The following SCARA5 variants were observed in gnomAD, a reference collection of about 807,000 sequenced individuals.
SCARA5 encodes scavenger receptor class A, member 5 (putative).
A neutral mutation model predicts 46.3 loss-of-function variants in SCARA5; 45 were observed. That is an observed-to-expected ratio of 0.97 (90% CI 0.76 to 1.24). The LOEUF is 1.24. SCARA5 is among the 50% of genes most tolerant of loss of function. The probability of loss-of-function intolerance (pLI) is 0.00; values close to 1 mark genes in which losing one functional copy is unlikely to be tolerated. For synonymous variants in SCARA5, 333 were observed against 306.5 expected (o/e 1.09, Z -0.90); for missense variants, 680 against 689.0 (o/e 0.99, Z 0.15).
intron 3 of SCARA5, among the ~76,000 whole-genome samples, chr8:27,948,863 G>A (rs965600460): frequency 3.9e-5 from 6 of 152,220 alleles, no homozygotes; most frequent in Non-Finnish European, 8.8e-5. Context: ...GAGTTCATGC[G>A]TTTTGCTTTG....
In SCARA5 at chr8:27,871,395, T is replaced by C; in HGVS notation, c.*539A>G. The C allele has an allele frequency of 1.0e-6, 1 of 985,296 alleles. No homozygotes were observed. The highest frequency in any genetic ancestry group is 1.2e-6 in the Non-Finnish European group (1 of 829,142). 61.0% of individuals were successfully genotyped at this position (985,296 alleles called of 1,614,324 possible). ...GCCCCTACAGCTGGCTTCTCCTCTA[T>C]GTCACTTCCTCAAACTAGCAAATGG... On this transcript the variant is annotated 3_prime_UTR_variant, in exon 9 of 9. Transcript: ENST00000354914.
At chr8:27,984,898 T>C (rs1808681921) in intron 2 of SCARA5, among the ~76,000 whole-genome samples, 3 of 152,140 alleles carry the variant, frequency 2.0e-5, no homozygotes, top group Admixed American at 2.0e-4. Flanking sequence ...CATTCATTCA[T>C]CCATCCATTT....
At chr8:27,929,180 T>C (rs1807728060) in intron 3 of SCARA5, among the ~76,000 whole-genome samples, 1 of 152,242 alleles carries the variant, frequency 6.6e-6, no homozygotes, top group Non-Finnish European at 1.5e-5. Flanking sequence ...GGCCCCGGCC[T>C]GAGCTAGGTG....
chr8:27,936,792 G>C (rs796811009), intron 3 of SCARA5, among the ~76,000 whole-genome samples: 1 of 152,000 alleles, frequency 6.6e-6, no homozygotes, highest in Non-Finnish European at 1.5e-5. Flanking sequence ...TGGCCTGTCA[G>C]AACTTAAAAG....
At chr8:27,975,839 A>G (rs1338057592) in intron 2 of SCARA5, among the ~76,000 whole-genome samples, 1 of 152,132 alleles carries the variant, frequency 6.6e-6, no homozygotes, top group Admixed American at 6.5e-5. Context: ...ACAGGGCCAG[A>G]TGCACCCAAG....
Position 27,980,696 on chromosome 8 carries a change from G to T in SCARA5, c.112+6808C>A, listed in dbSNP as rs775045115. 5.7e-4 allele frequency among the ~76,000 whole-genome samples: 87 copies of T among 152,306 alleles called. 1 individual carries two copies. The highest frequency in any genetic ancestry group is 2.2e-3 in the Admixed American group (33 of 15,300). On this transcript the variant is annotated intron_variant, in intron 2 of 8. Transcript: ENST00000354914. The stretch of plus-strand genomic sequence containing the variant: ...TTGGCTCTTCTGGTAGCAAACCTCA[G>T]GGGGCCCCTGGGAGCAAAGTGCCTC...
intron 2 of SCARA5, among the ~76,000 whole-genome samples, chr8:27,981,289 T>A (rs1200597048): frequency 6.6e-6 from 1 of 152,110 alleles, no homozygotes; most frequent in African/African-American, 2.4e-5. Context: ...GGCCAGGGTG[T>A]GACACCCAGA....
intron 3 of SCARA5, among the ~76,000 whole-genome samples, chr8:27,923,479 C>A (rs561918064): frequency 2.2e-4 from 33 of 152,354 alleles, no homozygotes; most frequent in South Asian, 1.2e-3. Context: ...ATTGGACAGA[C>A]ACAATCCAAT....
intron 4 of SCARA5, among the ~76,000 whole-genome samples, chr8:27,920,990 C>G (rs2129811679): frequency 6.9e-6 from 1 of 145,204 alleles, no homozygotes; most frequent in African/African-American, 2.6e-5. Context: ...AAACAGAAAA[C>G]AAAAAAACAA....
intron 6 of SCARA5, 32 bp downstream of exon 6, chr8:27,907,116 T>G: frequency 6.6e-7 from 1 of 1,525,610 alleles, no homozygotes; most frequent in Non-Finnish European, 9.0e-7. Flanking sequence ...GGACTGGTGG[T>G]GAGGCTCAGG....
intron 7 of SCARA5, among the ~76,000 whole-genome samples, chr8:27,884,720 G>A (rs546641250): frequency 5.9e-5 from 9 of 152,190 alleles, no homozygotes; most frequent in East Asian, 5.8e-4. Flanking sequence ...GCACCTACTC[G>A]TTTAGCCAAG....
intron 4 of SCARA5, among the ~76,000 whole-genome samples, chr8:27,911,566 C>T (rs1807376906): frequency 6.6e-6 from 1 of 152,178 alleles, no homozygotes; most frequent in African/African-American, 2.4e-5. Context: ...GTGGTGGGCG[C>T]CTGTAATCCC....
At chr8:27,916,542 C>A (rs1193150546) in intron 4 of SCARA5, among the ~76,000 whole-genome samples, 1 of 152,068 alleles carries the variant, frequency 6.6e-6, no homozygotes, top group Admixed American at 6.6e-5. Flanking sequence ...AATAGAGGAA[C>A]TAGATAAAGC....
At chr8:27,886,854 A>G (rs1806904181) in intron 7 of SCARA5, among the ~76,000 whole-genome samples, 1 of 152,128 alleles carries the variant, frequency 6.6e-6, no homozygotes, top group Non-Finnish European at 1.5e-5. Context: ...AGAAGTGGTG[A>G]CTGAGAGGCA....
intron 7 of SCARA5, among the ~76,000 whole-genome samples, chr8:27,882,686 T>G (rs1452673392): frequency 1.3e-5 from 2 of 152,216 alleles, no homozygotes; most frequent in Non-Finnish European, 2.9e-5. Context: ...TGAGACACAT[T>G]GGTTCATCAA....
chr8:27,892,370 G>C (rs1806998215), intron 7 of SCARA5, among the ~76,000 whole-genome samples: 1 of 152,198 alleles, frequency 6.6e-6, no homozygotes, highest in Non-Finnish European at 1.5e-5. Context: ...TCTGGTTCTT[G>C]GGACTGGAAA....
At chr8:27,959,492 C>T in intron 3 of SCARA5, among the ~76,000 whole-genome samples, 1 of 152,096 alleles carries the variant, frequency 6.6e-6, no homozygotes, top group Admixed American at 6.5e-5. Flanking sequence ...GTGCGGTGCC[C>T]TATCATGAAA....
chr8:27,903,470 G>A (rs773626610), intron 7 of SCARA5: 5 of 152,148 alleles, frequency 3.3e-5, no homozygotes, highest in Admixed American at 6.5e-5. Context: ...TTTTATTAGC[G>A]GGTGTGTTTT....
At chr8:27,969,090 G>T (rs1007831313) in intron 2 of SCARA5, among the ~76,000 whole-genome samples, 1 of 152,188 alleles carries the variant, frequency 6.6e-6, no homozygotes, top group Non-Finnish European at 1.5e-5. Flanking sequence ...ATCTGGCAAG[G>T]CCCTTAGAGA....
Sources: gnomAD v4.1 joint callset for allele counts (sites outside exome capture counted in the v4.1 genomes callset) on GRCh38, gnomAD v4.1.1 for gene constraint, MANE v1.5 for transcripts, NCBI Gene and HGNC (gene_info 2026-07-23, HGNC 2026-07-21) for gene names.